The following FGF1 variants were observed in gnomAD, a reference collection of about 807,000 sequenced individuals.
FGF1 encodes beta-endothelial cell growth factor.
FGF1 carries 9 observed loss-of-function variants against 13.4 expected under a neutral mutation model. The ratio of observed to expected loss-of-function variants is 0.67; its 90% CI spans 0.40 to 1.17. The LOEUF (loss-of-function observed/expected upper bound fraction) is 1.17. FGF1 is among the 50% of genes most tolerant of loss of function. The probability of loss-of-function intolerance (pLI) is 0.01; values close to 1 mark genes in which losing one functional copy is unlikely to be tolerated. For synonymous variants in FGF1, 93 were observed against 79.0 expected (o/e 1.18, Z -0.94); for missense variants, 156 against 192.7 (o/e 0.81, Z 1.13).
chr5:142,660,330 C>T (rs1358131027), intron 1 of FGF1, among the ~76,000 whole-genome samples: 1 of 152,234 alleles, frequency 6.6e-6, no homozygotes, highest in Non-Finnish European at 1.5e-5. Context: ...GGGTCTCCAG[C>T]ATGGAGCCTT....
intron 1 of FGF1, among the ~76,000 whole-genome samples, chr5:142,638,347 T>G (rs2151944637): frequency 6.6e-6 from 1 of 152,132 alleles, no homozygotes; most frequent in East Asian, 1.9e-4. Context: ...CCCCAGGATA[T>G]TCCTTCTTCT....
In FGF1 at chr5:142,670,290, T is replaced by C. The variant is rs1010547436; in HGVS notation, c.-35+15667A>G. On this transcript the variant is annotated intron_variant, in intron 1 of 3. Coordinates refer to ENST00000337706, the MANE Select transcript of FGF1 (RefSeq NM_000800.5). The stretch of plus-strand genomic sequence containing the variant: ...GCAATCTGAGCTGCTCCCTCTCCCC[T>C]GTTGCACACCAAGAACTTCCATGCC... 5.5e-4 allele frequency among the ~76,000 whole-genome samples: 84 copies of C among 152,290 alleles called. 1 individual carries two copies. The highest frequency in any genetic ancestry group is 3.4e-3 in the Middle Eastern group (1 of 294).
intron 1 of FGF1, among the ~76,000 whole-genome samples, chr5:142,663,652 T>A (rs1278171459): frequency 1.3e-5 from 2 of 152,170 alleles, no homozygotes; most frequent in African/African-American, 2.4e-5. Flanking sequence ...AGGGAGGTCT[T>A]GGGGTCAAAA....
chr5:142,602,176 CTTT>C (rs5871820), intron 2 of FGF1, among the ~76,000 whole-genome samples: 1 of 145,046 alleles, frequency 6.9e-6, no homozygotes, highest in East Asian at 2.0e-4. Context: ...GTGTTCTTTT[CTTT>C]TTTTTTTTTT....
chr5:142,623,222 A>G (rs941735178), intron 1 of FGF1, among the ~76,000 whole-genome samples: 5 of 152,194 alleles, frequency 3.3e-5, no homozygotes, highest in African/African-American at 1.2e-4. Context: ...CAGTTTCCTC[A>G]TCTGCAAAAT....
chr5:142,652,505 G>T (rs138380453), intron 1 of FGF1, among the ~76,000 whole-genome samples: 1 of 152,060 alleles, frequency 6.6e-6, no homozygotes, highest in African/African-American at 2.4e-5. Context: ...CCCATTCAAG[G>T]CCCCTCACAA....
chr5:142,613,877 G>A, intron 2 of FGF1, 82 bp downstream of exon 2: 1 of 1,424,572 alleles, frequency 7.0e-7, no homozygotes, highest in Non-Finnish European at 9.6e-7. Context: ...GCAAGTACCT[G>A]TACTTAAATG....
intron 1 of FGF1, among the ~76,000 whole-genome samples, chr5:142,681,253 T>C (rs778817651): frequency 7.2e-5 from 11 of 152,258 alleles, no homozygotes; most frequent in Admixed American, 5.2e-4. Context: ...GTTTTCATTA[T>C]TGTAAATTGT....
upstream of FGF1, among the ~76,000 whole-genome samples, chr5:142,686,867 T>C (rs1751330644): frequency 6.6e-6 from 1 of 152,140 alleles, no homozygotes. Context: ...TGAGCTCAAC[T>C]TCAGGGGTGG....
intron 2 of FGF1, among the ~76,000 whole-genome samples, chr5:142,606,906 T>C (rs1181262042): frequency 6.6e-6 from 1 of 152,186 alleles, no homozygotes; most frequent in Non-Finnish European, 1.5e-5. Flanking sequence ...ATCTAGTGCA[T>C]AGTTTTCTAT....
At chr5:142,664,660 T>C (rs1485922032) in intron 1 of FGF1, among the ~76,000 whole-genome samples, 1 of 152,168 alleles carries the variant, frequency 6.6e-6, no homozygotes, top group African/African-American at 2.4e-5. Flanking sequence ...TAAGTGGCAG[T>C]GGGGTGTTTT....
intron 3 of FGF1, among the ~76,000 whole-genome samples, chr5:142,597,709 T>A (rs190350480): frequency 2.2e-4 from 33 of 152,366 alleles, no homozygotes; most frequent in African/African-American, 7.2e-4. Context: ...TGATTCCCTG[T>A]CTGGCGGTTT....
chr5:142,686,655 C>T (rs922540994), upstream of FGF1, among the ~76,000 whole-genome samples: 8 of 152,096 alleles, frequency 5.3e-5, no homozygotes, highest in Non-Finnish European at 8.8e-5. Flanking sequence ...GTGTAGGTGT[C>T]TGTGTGTGGC....
chr5:142,631,773 A>C (rs1456854931), intron 1 of FGF1, among the ~76,000 whole-genome samples: 1 of 146,176 alleles, frequency 6.8e-6, no homozygotes, highest in East Asian at 2.0e-4. Context: ...ATTTTATTTA[A>C]ATTAGCTTTT....
chr5:142,697,474 T>C (rs1753306303), intron 2 of FGF1: 1 of 152,182 alleles, frequency 6.6e-6, no homozygotes, highest in Non-Finnish European at 1.5e-5. Context: ...CTAGCATTCA[T>C]CACATAGACT....
intron 1 of FGF1, among the ~76,000 whole-genome samples, chr5:142,617,366 A>G (rs1760481158): frequency 6.7e-6 from 1 of 150,230 alleles, no homozygotes; most frequent in Non-Finnish European, 1.5e-5. Flanking sequence ...CTCTGTCTCA[A>G]AAAAAAAAAG....
intron 1 of FGF1, among the ~76,000 whole-genome samples, chr5:142,654,438 C>A (rs73284549): frequency 0.016 from 2,470 of 152,286 alleles, 81 homozygotes; most frequent in African/African-American, 0.057. Flanking sequence ...CTCGATAGTT[C>A]ATTGAACTTT....
chr5:142,628,711 C>T (rs1762852969), intron 1 of FGF1, among the ~76,000 whole-genome samples: 3 of 152,098 alleles, frequency 2.0e-5, no homozygotes, highest in Admixed American at 6.5e-5. Context: ...CCTTCATGTC[C>T]ACTGCCCCCT....
Position 142,598,619 on chromosome 5 carries a change from T to A in FGF1, c.273+2083A>T, listed in dbSNP as rs905070140. Reference sequence around the variant, plus strand: ...TATAGCCTTTCAAACTTAAAAAAAATATACATATCCTTTCCACACACACAA... The same window carrying A: ...TATAGCCTTTCAAACTTAAAAAAAAAATACATATCCTTTCCACACACACAA... On this transcript the variant is annotated intron_variant, in intron 3 of 3. Coordinates refer to ENST00000337706, the MANE Select transcript of FGF1 (RefSeq NM_000800.5). 9.8e-4 allele frequency among the ~76,000 whole-genome samples: 149 copies of A among 151,912 alleles called. 3 individuals carry two copies. Among genetic ancestry groups the A allele is most frequent in the African/African-American group, 3.4e-3 (139 of 41,260 alleles).
Sources: gnomAD v4.1 joint callset for allele counts (sites outside exome capture counted in the v4.1 genomes callset) on GRCh38, gnomAD v4.1.1 for gene constraint, MANE v1.5 for transcripts, NCBI Gene and HGNC (gene_info 2026-07-23, HGNC 2026-07-21) for gene names.